The following OR6N1 variants were observed in gnomAD, a reference collection of about 807,000 sequenced individuals.
OR6N1 encodes olfactory receptor family 6 subfamily N member 1.
For synonymous variants in OR6N1, 170 were observed against 150.7 expected (o/e 1.13, Z -0.94); for missense variants, 394 against 371.7 (o/e 1.06, Z -0.49).
the OR6N1 span, among the ~76,000 whole-genome samples, chr1:158,837,322 A>C: frequency 6.6e-6 from 1 of 151,804 alleles, no homozygotes; most frequent in African/African-American, 2.4e-5. Flanking sequence ...GTCTCTTACT[A>C]TTACCTTAGA....
intron 1 of OR6N1, 37 bp from the exon 2 acceptor site, chr1:158,766,737 G>C (rs1657285998): frequency 1.5e-6 from 2 of 1,345,630 alleles, no homozygotes; most frequent in Non-Finnish European, 2.0e-6. Context: ...AAAGAAAGTT[G>C]AACTATAGGG....
At chr1:158,777,914 T>C in the OR6N1 span, among the ~76,000 whole-genome samples, 2 of 152,192 alleles carry the variant, frequency 1.3e-5, no homozygotes, top group Non-Finnish European at 2.9e-5. Flanking sequence ...ATTTTGCAAA[T>C]AAGAAAACTT....
the OR6N1 span, among the ~76,000 whole-genome samples, chr1:158,810,979 C>T: frequency 2.0e-5 from 3 of 151,996 alleles, no homozygotes; most frequent in African/African-American, 7.2e-5. Context: ...ATTTTATCAC[C>T]CAGGTATTAA....
chr1:158,822,091 A>G, the OR6N1 span, among the ~76,000 whole-genome samples: 1 of 152,178 alleles, frequency 6.6e-6, no homozygotes, highest in Non-Finnish European at 1.5e-5. Context: ...TATCAGGTTG[A>G]TGAAGATCCC....
intron 1 of OR6N1, among the ~76,000 whole-genome samples, 166 bp downstream of exon 1, chr1:158,771,855 A>C (rs1418813257): frequency 6.6e-6 from 1 of 152,248 alleles, no homozygotes; most frequent in Non-Finnish European, 1.5e-5. Flanking sequence ...ATAGCATTTG[A>C]AAAGCAGAAT....
At chr1:158,825,087 C>G in the OR6N1 span, among the ~76,000 whole-genome samples, 1 of 152,144 alleles carries the variant, frequency 6.6e-6, no homozygotes, top group Admixed American at 6.5e-5. Context: ...GGTCTAATAT[C>G]CAAAGTCTGT....
chr1:158,779,723 A>G, the OR6N1 span, among the ~76,000 whole-genome samples: 1 of 152,226 alleles, frequency 6.6e-6, no homozygotes, highest in South Asian at 2.1e-4. Context: ...CTTCTAAGTC[A>G]TCTCTCTTCT....
the OR6N1 span, among the ~76,000 whole-genome samples, chr1:158,785,300 T>C: frequency 3.3e-5 from 5 of 152,206 alleles, no homozygotes; most frequent in African/African-American, 1.2e-4. Context: ...AAGGTATTTT[T>C]AGATTTTTAT....
At chr1:158,787,635 T>TCACACACACACA in the OR6N1 span, among the ~76,000 whole-genome samples, 38 of 134,248 alleles carry the variant, frequency 2.8e-4, no homozygotes, top group Non-Finnish European at 3.3e-4. Context: ...TCTCTCTCTC[T>TCACACACACACA]CACACACACA....
At chr1:158,793,201 T>C in the OR6N1 span, among the ~76,000 whole-genome samples, 1 of 152,060 alleles carries the variant, frequency 6.6e-6, no homozygotes, top group East Asian at 1.9e-4. Flanking sequence ...TTTTTTCATG[T>C]TGATTTTCAT....
At chr1:158,783,405 A>G in the OR6N1 span, among the ~76,000 whole-genome samples, 1 of 152,250 alleles carries the variant, frequency 6.6e-6, no homozygotes, top group Non-Finnish European at 1.5e-5. Flanking sequence ...ATATGAAAAT[A>G]GAAATGAGCT....
chr1:158,792,646 T>C, the OR6N1 span, among the ~76,000 whole-genome samples: 1 of 152,222 alleles, frequency 6.6e-6, no homozygotes, highest in Non-Finnish European at 1.5e-5. Flanking sequence ...AACTTAGTTT[T>C]ATGGAGTAAA....
At chr1:158,813,589 G>A in the OR6N1 span, among the ~76,000 whole-genome samples, 1 of 152,054 alleles carries the variant, frequency 6.6e-6, no homozygotes, top group Admixed American at 6.6e-5. Flanking sequence ...GAATATAGAG[G>A]CTGGCAAGGG....
upstream of OR6N1, chr1:158,774,994 A>G (rs975317676): frequency 6.6e-6 from 1 of 152,224 alleles, no homozygotes; most frequent in African/African-American, 2.4e-5. Flanking sequence ...TTACGATTGC[A>G]TTGAATACTC....
At chr1:158,785,674 G>T in the OR6N1 span, among the ~76,000 whole-genome samples, 2 of 152,102 alleles carry the variant, frequency 1.3e-5, no homozygotes, top group African/African-American at 4.8e-5. Flanking sequence ...AGTACCTAAG[G>T]ATGCTGGCTC....
At chr1:158,769,370 C>T (rs1123131) in intron 1 of OR6N1, among the ~76,000 whole-genome samples, 60,781 of 151,796 alleles carry the variant, frequency 0.4, 12,790 homozygotes, top group East Asian at 0.55. Flanking sequence ...AGCCATATTG[C>T]CCAGGCTGGT....
upstream of OR6N1, chr1:158,777,056 C>T (rs754460122): frequency 1.9e-6 from 3 of 1,613,928 alleles, no homozygotes; most frequent in African/African-American, 1.3e-5. Flanking sequence ...AGAATGTTAG[C>T]AGATGTGTCC....
chr1:158,817,335 C>G, the OR6N1 span, among the ~76,000 whole-genome samples: 1 of 152,188 alleles, frequency 6.6e-6, no homozygotes, highest in African/African-American at 2.4e-5. Flanking sequence ...ACGTTACCTC[C>G]TTGGCCCTCA....
chr1:158,814,295 T>C, the OR6N1 span, among the ~76,000 whole-genome samples: 2 of 152,300 alleles, frequency 1.3e-5, no homozygotes, highest in Non-Finnish European at 2.9e-5. Flanking sequence ...TGTGTATATA[T>C]GTGCACACCT....
Sources: gnomAD v4.1 joint callset for allele counts (sites outside exome capture counted in the v4.1 genomes callset) on GRCh38, gnomAD v4.1.1 for gene constraint, MANE v1.5 for transcripts, NCBI Gene and HGNC (gene_info 2026-07-23, HGNC 2026-07-21) for gene names.